NOSIP: variants seen among roughly 807,000 people sequenced by gnomAD.
NOSIP encodes the protein nitric oxide synthase-interacting protein.
A neutral mutation model predicts 36.4 loss-of-function variants in NOSIP; 25 were observed. That is an observed-to-expected ratio of 0.69 (90% CI 0.50 to 0.96). The LOEUF (loss-of-function observed/expected upper bound fraction) is 0.96, where lower values mean the gene tolerates loss of function less well. NOSIP is among the 40% of genes least tolerant of loss of function. The pLI is 0.00. For synonymous variants in NOSIP, 187 were observed against 179.2 expected, an observed-to-expected ratio of 1.04 and a Z score of -0.35; for missense variants, 370 against 429.0, an observed-to-expected ratio of 0.86 and a Z score of 1.21.
intron 1 of NOSIP, among the ~76,000 whole-genome samples, chr19:49,571,429 C>T (rs142459483): frequency 1.5e-3 from 222 of 152,300 alleles, no homozygotes; most frequent in Middle Eastern, 3.4e-3. Context: ...ACTATATTGT[C>T]TCTTTGGTAG....
Position 49,560,131 on chromosome 19 carries a change from C to T in NOSIP, c.71-92G>A, listed in dbSNP as rs941504968. The stretch of plus-strand genomic sequence containing the variant: ...CCCAGAGAGAGGCACAGAGACAACG[C>T]GGTGGTGGGGGTGGGGGACTCAGAG... On this transcript the variant is annotated intron_variant, in intron 2 of 8. Coordinates refer to ENST00000596358, the MANE Select transcript of NOSIP (RefSeq NM_001270960.2). This position sits in a 1 kb window ranked among gnomAD's most constrained non-coding sequence, Gnocchi z 4.6. The T allele has an allele frequency of 2.5e-5, 18 of 711,580 alleles. No homozygotes were observed. The highest frequency in any genetic ancestry group is 3.8e-5 in the Non-Finnish European group (16 of 418,574). The allele number at this position is 711,580 out of a possible 1,614,324, so 44.1% of individuals were successfully genotyped here. A position where few individuals can be genotyped will look rare whatever the true frequency, so the allele number is the denominator to read the frequency against.
At chr19:49,563,096 T>C (rs1036501689) in intron 1 of NOSIP, among the ~76,000 whole-genome samples, 1 of 152,166 alleles carries the variant, frequency 6.6e-6, no homozygotes, top group Non-Finnish European at 1.5e-5. Flanking sequence ...AAATTATACA[T>C]GTCCTGTTTT....
rs138256115 is a variant in NOSIP, at chr19:49,559,993, G to A, written c.117C>T (p.Ala39=). The A allele has an allele frequency of 3.0e-5, 49 of 1,613,874 alleles. No individual in the cohort carries two copies. Among genetic ancestry groups the A allele is most frequent in the African/African-American group, 2.3e-4 (17 of 74,930 alleles). The part of the protein sequence containing the change: ...GTQNIRLSRD[A]VKDFDCCCLS... ...GACAACAGCAGTCGAAGTCCTTCACGGCATCCCGGCTCAGTCGAATGTTCT... is the reference window on the plus strand; with the variant it reads ...GACAACAGCAGTCGAAGTCCTTCACAGCATCCCGGCTCAGTCGAATGTTCT... The change falls in exon 3 of 9, where the codon GCC becomes GCT. Residue 39 remains alanine (A), a synonymous_variant. Coordinates refer to ENST00000596358, the MANE Select transcript of NOSIP (RefSeq NM_001270960.2).
At chr19:49,558,132 C>T (rs956992318) in intron 4 of NOSIP, 4 of 159,906 alleles carry the variant, frequency 2.5e-5, no homozygotes, top group East Asian at 1.6e-4. Context: ...TGCTCATCTG[C>T]GTGTACCTCC....
In NOSIP at chr19:49,557,257, G is replaced by C. The variant is rs756135878; in HGVS notation, c.259-8C>G. 1.6e-5 allele frequency: 25 copies of C among 1,571,958 alleles called. No homozygotes were observed. In the South Asian group the frequency reaches 2.1e-4, roughly 13 times the overall value. The stretch of plus-strand genomic sequence containing the variant: ...CCGCTGCTTCTCGTAGGCCTGCGTC[G>C]GGGAAAGTGGGCTGAGCATCTGCCC... On this transcript the variant is annotated splice_polypyrimidine_tract_variant and splice_region_variant and intron_variant, in intron 4 of 8. Transcript: ENST00000596358.
intron 1 of NOSIP, among the ~76,000 whole-genome samples, chr19:49,575,858 G>A (rs974621997): frequency 3.3e-5 from 5 of 152,318 alleles, no homozygotes; most frequent in Admixed American, 6.5e-5. Flanking sequence ...CAGGCCAGGC[G>A]CAGTGGCTCA....
intron 3 of NOSIP, chr19:49,559,719 C>T: frequency 1.7e-6 from 1 of 576,478 alleles, no homozygotes; most frequent in Non-Finnish European, 3.1e-6. Flanking sequence ...GCCCTACACC[C>T]CATTAGAAGT....
chr19:49,577,939 T>C (rs1267761415), intron 1 of NOSIP, among the ~76,000 whole-genome samples: 1 of 151,996 alleles, frequency 6.6e-6, no homozygotes, highest in Non-Finnish European at 1.5e-5. Flanking sequence ...TGCCAAAGAC[T>C]GGGGTGGGAA....
chr19:49,578,319 T>TTA (rs1478134117), intron 1 of NOSIP, among the ~76,000 whole-genome samples: 1 of 151,970 alleles, frequency 6.6e-6, no homozygotes, highest in Non-Finnish European at 1.5e-5. Flanking sequence ...AGATGAGGTT[T>TTA]TACCATGTTG....
chr19:49,572,406 C>CTTTTTT (rs35209614), intron 1 of NOSIP, among the ~76,000 whole-genome samples: 5 of 97,938 alleles, frequency 5.1e-5, no homozygotes, highest in South Asian at 3.5e-4. Flanking sequence ...TGCACCCAGC[C>CTTTTTT]TTTTTTTTTT....
intron 4 of NOSIP, chr19:49,558,053 C>T: frequency 2.5e-6 from 1 of 395,946 alleles, no homozygotes; most frequent in Non-Finnish European, 3.4e-6. Flanking sequence ...CAAACAGGGC[C>T]CCTCCTACCC....
intron 1 of NOSIP, among the ~76,000 whole-genome samples, chr19:49,562,768 C>A (rs1347801317): frequency 6.6e-6 from 1 of 152,088 alleles, no homozygotes; most frequent in Non-Finnish European, 1.5e-5. Flanking sequence ...GTAGTCCCAG[C>A]TACTCGGGAG....
At chr19:49,568,368 GCTC>G (rs1265133006) in intron 1 of NOSIP, among the ~76,000 whole-genome samples, 1 of 152,104 alleles carries the variant, frequency 6.6e-6, no homozygotes, top group Non-Finnish European at 1.5e-5. Flanking sequence ...GATGGGTGTG[GCTC>G]CTAACACCCG....
intron 1 of NOSIP, among the ~76,000 whole-genome samples, chr19:49,568,142 G>T (rs2080435268): frequency 6.6e-6 from 1 of 152,154 alleles, no homozygotes. Context: ...TAAAGAAAAA[G>T]ATAAGAACAG....
rs754347770 is a variant in NOSIP at position 49,557,147 on chromosome 19, T to C, written c.361A>G (p.Ile121Val). ...AAAGGGTTGAGGGGCCGGCTCACGA[T>C]AGCCGACTCCTTCTCCAGGAAGCCC... ...VRGFLEKESA[I>V]VSRPLNPFTA... Residue 121 changes from isoleucine (I) to valine (V), a missense_variant, in exon 5 of 9, where the codon ATC becomes GTC. Coordinates refer to ENST00000596358, the MANE Select transcript of NOSIP (RefSeq NM_001270960.2). The C allele has an allele frequency of 7.4e-6, 12 of 1,612,322 alleles. No individual in the cohort carries two copies. The highest frequency in any genetic ancestry group is 5.0e-5 in the Admixed American group (3 of 59,786).
rs182040384 is a variant in NOSIP, at chr19:49,556,139, G to T, written c.834+178C>A. ...GGAGGCGGGGCCTAGGAGAGCGGAGGGGGGGAAGGGCGGGGCCTTGCAGGA... is the reference window on the plus strand; with the variant it reads ...GGAGGCGGGGCCTAGGAGAGCGGAGTGGGGGAAGGGCGGGGCCTTGCAGGA... On this transcript the variant is annotated intron_variant, in intron 8 of 8. Transcript: ENST00000596358. Among the ~76,000 whole-genome samples, 197 of 76,734 alleles carry T rather than the reference G, an allele frequency of 2.6e-3. 6 individuals are homozygous for T. Among genetic ancestry groups the T allele is most frequent in the African/African-American group, 0.014 (183 of 12,628 alleles). The allele number at this position is 76,734 out of a possible 152,430, so 50.3% of individuals were successfully genotyped here.
At chr19:49,556,168 A>AGC in intron 8 of NOSIP, 149 bp downstream of exon 8, 1 of 253,566 alleles carries the variant, frequency 3.9e-6, no homozygotes, top group South Asian at 2.4e-5. Flanking sequence ...TGCAGGAGAA[A>AGC]GCGGGGGGGG....
Position 49,560,245 on chromosome 19 carries a change from G to A in NOSIP, c.71-206C>T, listed in dbSNP as rs903746040. The A allele has an allele frequency of 1.7e-6, 1 of 587,044 alleles. No homozygotes were observed. Among genetic ancestry groups the A allele is most frequent in the African/African-American group, 1.9e-5 (1 of 53,486 alleles). 36.4% of individuals were successfully genotyped at this position (587,044 alleles called of 1,614,324 possible). The stretch of plus-strand genomic sequence containing the variant: ...TGTCAACCCTGGAGGGTGAGAGGCA[G>A]ACAGGCCTGGTCACTGAGTGGCAGC... On this transcript the variant is annotated intron_variant, in intron 2 of 8. Transcript: ENST00000596358. The surrounding 1 kb of genome is among the most constrained non-coding windows in gnomAD (Gnocchi z 4.6).
intron 8 of NOSIP, among the ~76,000 whole-genome samples, 180 bp downstream of exon 8, chr19:49,556,137 A>AG (rs202134417): frequency 0.023 from 920 of 40,632 alleles, 28 homozygotes; most frequent in Non-Finnish European, 0.03. Flanking sequence ...AGGAGAGCGG[A>AG]GGGGGGGAAG....
Sources: allele counts gnomAD v4.1 joint callset (sites outside exome capture counted in the v4.1 genomes callset), GRCh38; gene constraint gnomAD v4.1.1; non-coding constraint Gnocchi (gnomAD v3.1); transcripts MANE v1.5; gene names NCBI Gene and HGNC (gene_info 2026-07-23, HGNC 2026-07-21).